The following SFXN5 variants were observed in gnomAD, a reference collection of about 807,000 sequenced individuals.
The protein encoded by SFXN5 is sideroflexin 5, also known as sideroflexin-5.
A neutral mutation model predicts 50.2 loss-of-function variants in SFXN5; 43 were observed. The ratio of observed to expected loss-of-function variants is 0.86; its 90% CI spans 0.67 to 1.11. The LOEUF is 1.11. Ranked by LOEUF, SFXN5 falls within the 50% of genes least tolerant of loss-of-function variation. The pLI is 0.00. For synonymous variants in SFXN5, 203 were observed against 185.8 expected (o/e 1.09, Z -0.75); for missense variants, 463 against 454.1 (o/e 1.02, Z -0.18).
intron 2 of SFXN5, among the ~76,000 whole-genome samples, chr2:73,041,948 G>A (rs1341400423): frequency 1.3e-5 from 2 of 152,168 alleles, no homozygotes; most frequent in Non-Finnish European, 1.5e-5. Flanking sequence ...AGATCTGCCT[G>A]CCTCAGCTTC....
At chr2:73,024,124 A>G (rs1486735388) in intron 3 of SFXN5, among the ~76,000 whole-genome samples, 1 of 151,960 alleles carries the variant, frequency 6.6e-6, no homozygotes, top group Non-Finnish European at 1.5e-5. Context: ...CCCGGGTTCA[A>G]GCGATTCTCC....
At chr2:73,059,562 G>A in intron 1 of SFXN5, 1 of 985,184 alleles carries the variant, frequency 1.0e-6, no homozygotes, top group Non-Finnish European at 1.2e-6. Flanking sequence ...TAGGCTCCAG[G>A]TCACCTCAAA....
intron 3 of SFXN5, among the ~76,000 whole-genome samples, chr2:73,035,689 G>A (rs1678883952): frequency 6.6e-6 from 1 of 151,764 alleles, no homozygotes; most frequent in Admixed American, 6.6e-5. Context: ...TGGTAGAGAT[G>A]GGGTTTCACC....
chr2:73,052,961 T>C (rs1390403858), intron 2 of SFXN5, among the ~76,000 whole-genome samples: 1 of 152,180 alleles, frequency 6.6e-6, no homozygotes, highest in Admixed American at 6.5e-5. Flanking sequence ...GCAGATCACT[T>C]GAGGTCAGGA....
chr2:73,065,118 C>CTTTTT (rs199573796), intron 1 of SFXN5, among the ~76,000 whole-genome samples: 1,676 of 152,068 alleles, frequency 0.011, 28 homozygotes, highest in African/African-American at 0.038. Context: ...TCCCTTCTTT[C>CTTTTT]TGAGACAGGG....
At chr2:73,029,240 A>C (rs1345469542) in intron 3 of SFXN5, among the ~76,000 whole-genome samples, 1 of 152,192 alleles carries the variant, frequency 6.6e-6, no homozygotes, top group East Asian at 1.9e-4. Flanking sequence ...GTTGCAACGG[A>C]GTCAGATATG....
intron 9 of SFXN5, among the ~76,000 whole-genome samples, chr2:72,993,595 C>G (rs1282234816): frequency 6.6e-6 from 1 of 152,224 alleles, no homozygotes; most frequent in African/African-American, 2.4e-5. Context: ...GAGCTGCTTT[C>G]TGTGTCTGAC....
chr2:73,030,912 G>A (rs1045459773), intron 3 of SFXN5, among the ~76,000 whole-genome samples: 1 of 151,972 alleles, frequency 6.6e-6, no homozygotes, highest in Non-Finnish European at 1.5e-5. Context: ...GGCAACTGGG[G>A]GAGAGAAAAA....
rs1365938415 is a variant in SFXN5 at position 73,023,258 on chromosome 2, A to C, written c.250-44T>G. ...AAAAGAAAATAAAGAACAAAAATTA[A>C]AAGCATATATCGGTTTAAGGCTTCC... On this transcript the variant is annotated intron_variant, in intron 3 of 13. Coordinates refer to ENST00000272433, the MANE Select transcript of SFXN5 (RefSeq NM_144579.3). 3 of 1,559,352 alleles carry C rather than the reference A, an allele frequency of 1.9e-6. No individual in the cohort carries two copies. In the East Asian group the frequency reaches 7.1e-5, roughly 37 times the overall value.
intron 11 of SFXN5, 39 bp downstream of exon 11, chr2:72,971,531 G>A (rs1675171821): frequency 6.7e-7 from 1 of 1,484,136 alleles, no homozygotes; most frequent in Non-Finnish European, 9.4e-7. Context: ...CCCCTCCCCT[G>A]TTGCTGGCCT....
intron 5 of SFXN5, among the ~76,000 whole-genome samples, 185 bp from the exon 6 acceptor site, chr2:73,020,449 C>T (rs921356019): frequency 6.6e-6 from 1 of 152,128 alleles, no homozygotes; most frequent in African/African-American, 2.4e-5. Context: ...GGGGCTGTGT[C>T]CCCAGCCTCC....
chr2:73,019,878 A>T (rs558350815), intron 6 of SFXN5: 1 of 193,606 alleles, frequency 5.2e-6, no homozygotes. Context: ...TTTCTGAATT[A>T]ATTTTAAACT....
chr2:72,955,194 C>A (rs1402489032), intron 13 of SFXN5, among the ~76,000 whole-genome samples: 1 of 152,214 alleles, frequency 6.6e-6, no homozygotes, highest in Admixed American at 6.5e-5. Context: ...TAATTATTGA[C>A]AGTTGGTGAA....
intron 2 of SFXN5, among the ~76,000 whole-genome samples, chr2:73,051,356 T>C (rs1015659019): frequency 1.3e-5 from 2 of 149,580 alleles, no homozygotes; most frequent in Admixed American, 6.8e-5. Flanking sequence ...CTTCCCGGGT[T>C]CAAGCAATTC....
At chr2:73,008,281 C>T (rs1293076327) in intron 6 of SFXN5, among the ~76,000 whole-genome samples, 1 of 152,208 alleles carries the variant, frequency 6.6e-6, no homozygotes, top group Non-Finnish European at 1.5e-5. Context: ...TGTTCATGGT[C>T]TGCCCTCCTT....
At chr2:73,026,990 A>C (rs1472306900) in intron 3 of SFXN5, among the ~76,000 whole-genome samples, 1 of 151,900 alleles carries the variant, frequency 6.6e-6, no homozygotes, top group African/African-American at 2.4e-5. Context: ...GCCTCCCAAA[A>C]TGCTGGGATT....
intron 1 of SFXN5, among the ~76,000 whole-genome samples, chr2:73,061,928 C>G (rs996670189): frequency 1.1e-4 from 17 of 152,040 alleles, no homozygotes; most frequent in Admixed American, 3.3e-4. Context: ...TCAGCCTGGG[C>G]AACACAGTGA....
intron 2 of SFXN5, among the ~76,000 whole-genome samples, chr2:73,055,900 G>A (rs6727269): frequency 0.35 from 52,488 of 152,094 alleles, 11,557 homozygotes; most frequent in African/African-American, 0.62. Context: ...TACAGGCGTC[G>A]GCCACCGGGC....
At chr2:72,974,904 G>A (rs1645745732) in intron 10 of SFXN5, among the ~76,000 whole-genome samples, 1 of 151,826 alleles carries the variant, frequency 6.6e-6, no homozygotes, top group Non-Finnish European at 1.5e-5. Context: ...CACAACCCTG[G>A]GGCACAGGTC....
Sources: allele counts gnomAD v4.1 joint callset (sites outside exome capture counted in the v4.1 genomes callset), GRCh38; gene constraint gnomAD v4.1.1; transcripts MANE v1.5; gene names NCBI Gene and HGNC (gene_info 2026-07-23, HGNC 2026-07-21).